The following PLCB1 variants were observed in gnomAD, a reference collection of about 807,000 sequenced individuals.
PLCB1 encodes the protein phospholipase C beta 1.
Under a neutral mutation model 161.8 loss-of-function variants are expected in PLCB1, and 46 were observed. That is an observed-to-expected ratio of 0.28 (90% CI 0.22 to 0.36). The LOEUF (loss-of-function observed/expected upper bound fraction) is 0.36, where lower values mean the gene tolerates loss of function less well. PLCB1 is among the 10% of genes least tolerant of loss of function. PLCB1 has a pLI of 1.00. For missense variants in PLCB1, 1,016 were observed against 1,472.5 expected (o/e 0.69, Z 5.07); for synonymous variants, 517 against 503.7 (o/e 1.03, Z -0.35).
chr20:8,311,248 C>T (rs966758941), intron 2 of PLCB1, among the ~76,000 whole-genome samples: 1 of 152,134 alleles, frequency 6.6e-6, no homozygotes, highest in Non-Finnish European at 1.5e-5. Context: ...ATTGTAAAAT[C>T]TAGAGTGATC....
intron 2 of PLCB1, among the ~76,000 whole-genome samples, chr20:8,306,125 G>T (rs1024845404): frequency 6.6e-6 from 1 of 152,200 alleles, no homozygotes; most frequent in African/African-American, 2.4e-5. Context: ...ACTCTCAGAG[G>T]ATGTTTAGCC....
At chr20:8,738,407 G>A (rs533513786) in intron 20 of PLCB1, among the ~76,000 whole-genome samples, 2 of 152,210 alleles carry the variant, frequency 1.3e-5, no homozygotes, top group South Asian at 4.2e-4. Flanking sequence ...ATCTCATTGT[G>A]GTTTTGATTT....
intron 3 of PLCB1, among the ~76,000 whole-genome samples, chr20:8,535,318 T>C (rs190432636): frequency 6.1e-4 from 93 of 151,730 alleles, no homozygotes; most frequent in Non-Finnish European, 1.2e-3. Flanking sequence ...AATTATTATA[T>C]ATTAAACATA....
rs765501327 is a variant in PLCB1 at position 8,381,498 on chromosome 20, G to A, written c.246+10048G>A. On this transcript the variant is annotated intron_variant, in intron 3 of 31. Coordinates refer to ENST00000338037, the MANE Select transcript of PLCB1 (RefSeq NM_015192.4). ...GGAGTCCCCCCTTTTCATTTGTTTG[G>A]AATAGTTTCAGAAGGAATGGTACCA... 6.2e-4 allele frequency among the ~76,000 whole-genome samples: 94 copies of A among 152,282 alleles called. 1 individual carries two copies. Among genetic ancestry groups the A allele is most frequent in the South Asian group, 1.0e-3 (5 of 4,824 alleles).
At chr20:8,417,278 G>C (rs940188244) in intron 3 of PLCB1, among the ~76,000 whole-genome samples, 2 of 149,928 alleles carry the variant, frequency 1.3e-5, no homozygotes, top group African/African-American at 4.9e-5. Context: ...AGTGGAGACA[G>C]GGTTTCACCA....
At chr20:8,664,352 A>G (rs576936313) in intron 9 of PLCB1, among the ~76,000 whole-genome samples, 10 of 152,314 alleles carry the variant, frequency 6.6e-5, no homozygotes, top group Non-Finnish European at 1.3e-4. Flanking sequence ...TATAATGGCG[A>G]AGCAATTTGG....
At chr20:8,278,981 A>ATT in intron 2 of PLCB1, among the ~76,000 whole-genome samples, 1 of 151,980 alleles carries the variant, frequency 6.6e-6, no homozygotes, top group African/African-American at 2.4e-5. Flanking sequence ...TGTTTTTTAA[A>ATT]AAAAAAAACA....
At chr20:8,642,130 CTTTTTG>C (rs1988975586) in intron 4 of PLCB1, among the ~76,000 whole-genome samples, 1 of 151,944 alleles carries the variant, frequency 6.6e-6, no homozygotes. Context: ...TGTTTCCTAG[CTTTTTG>C]TTAGTTGGGT....
intron 2 of PLCB1, among the ~76,000 whole-genome samples, chr20:8,218,782 G>A (rs1979262674): frequency 6.6e-6 from 1 of 151,950 alleles, no homozygotes; most frequent in Admixed American, 6.6e-5. Context: ...CATGGATTGG[G>A]GAATATGGTG....
intron 3 of PLCB1, among the ~76,000 whole-genome samples, chr20:8,538,735 T>A (rs1469575760): frequency 6.6e-6 from 1 of 151,680 alleles, no homozygotes; most frequent in Non-Finnish European, 1.5e-5. Context: ...GACCAGAAAA[T>A]GAGACAATAA....
chr20:8,831,914 CTTTCTTTCTTT>C (rs1986009836), intron 31 of PLCB1, among the ~76,000 whole-genome samples: 1 of 10,376 alleles, frequency 9.6e-5, no homozygotes, highest in African/African-American at 3.5e-4. Context: ...CTTTCTTTCT[CTTTCTTTCTTT>C]CTTTCTTTCT....
intron 1 of PLCB1, among the ~76,000 whole-genome samples, chr20:8,139,210 C>T (rs1181338931): frequency 3.3e-5 from 5 of 151,294 alleles, no homozygotes; most frequent in African/African-American, 4.9e-5. Context: ...CCTCAGCCTC[C>T]GGAGTATCTG....
chr20:8,182,296 T>C (rs550169313), intron 2 of PLCB1, among the ~76,000 whole-genome samples: 2 of 152,258 alleles, frequency 1.3e-5, no homozygotes, highest in South Asian at 4.1e-4. Flanking sequence ...CCATTGAGAG[T>C]TGGAGACTAT....
chr20:8,632,034 GCTTTTTTTTTT>G (rs1988607972), intron 4 of PLCB1, among the ~76,000 whole-genome samples: 1 of 81,746 alleles, frequency 1.2e-5, no homozygotes, highest in Non-Finnish European at 2.6e-5. Context: ...GGTTTTTTTT[GCTTTTTTTTTT>G]TTTTTTTTTT....
At chr20:8,311,838 AT>A in intron 2 of PLCB1, among the ~76,000 whole-genome samples, 1 of 152,310 alleles carries the variant, frequency 6.6e-6, no homozygotes, top group South Asian at 2.1e-4. Context: ...GTTGGTCTGT[AT>A]TCCACAATTG....
At chr20:8,543,657 G>A (rs993944005) in intron 3 of PLCB1, among the ~76,000 whole-genome samples, 9 of 140,612 alleles carry the variant, frequency 6.4e-5, no homozygotes, top group African/African-American at 2.1e-4. Context: ...CATCTGATAC[G>A]GTTTGGCTGT....
chr20:8,408,826 C>T (rs531075431), intron 3 of PLCB1, among the ~76,000 whole-genome samples: 134 of 152,228 alleles, frequency 8.8e-4, no homozygotes, highest in Non-Finnish European at 1.2e-3. Flanking sequence ...TTTCTGCCCA[C>T]GCCACAAATA....
intron 2 of PLCB1, among the ~76,000 whole-genome samples, chr20:8,180,969 G>GTA (rs1459317785): frequency 2.0e-5 from 3 of 149,210 alleles, no homozygotes; most frequent in Non-Finnish European, 3.0e-5. Context: ...GTGTGTGTGT[G>GTA]TATGTATGTG....
intron 2 of PLCB1, among the ~76,000 whole-genome samples, chr20:8,208,672 C>T (rs532635596): frequency 6.6e-6 from 1 of 152,012 alleles, no homozygotes; most frequent in African/African-American, 2.4e-5. Flanking sequence ...TGGTCCCTGC[C>T]CCAAGGAGTT....
Sources: gnomAD v4.1 joint callset for allele counts (sites outside exome capture counted in the v4.1 genomes callset) on GRCh38, gnomAD v4.1.1 for gene constraint, MANE v1.5 for transcripts, NCBI Gene and HGNC (gene_info 2026-07-23, HGNC 2026-07-21) for gene names.